The following TRAPPC11 variants were observed in gnomAD, a reference collection of about 807,000 sequenced individuals.
The protein encoded by TRAPPC11 is foie gras homolog.
TRAPPC11 carries 104 observed loss-of-function variants against 151.2 expected under a neutral mutation model. The observed-to-expected ratio is 0.69, with a 90% CI of 0.59 to 0.81. The LOEUF (loss-of-function observed/expected upper bound fraction) is 0.81. Among genes scored for constraint, TRAPPC11 ranks in the 30% least tolerant of loss-of-function variants. The pLI is 0.00. For missense variants in TRAPPC11, 1,230 were observed against 1,349.6 expected (o/e 0.91, Z 1.39); for synonymous variants, 456 against 472.3 (o/e 0.97, Z 0.45).
intron 1 of TRAPPC11, among the ~76,000 whole-genome samples, chr4:183,659,857 C>G (rs1447557868): frequency 6.6e-6 from 1 of 152,152 alleles, no homozygotes; most frequent in African/African-American, 2.4e-5. Flanking sequence ...TTCTTAGCAG[C>G]CTTGTGTCCT....
chr4:183,685,983 G>A (rs1052527833), intron 17 of TRAPPC11, among the ~76,000 whole-genome samples: 18 of 152,090 alleles, frequency 1.2e-4, no homozygotes, highest in African/African-American at 3.6e-4. Context: ...ACTTATGGGC[G>A]TGTACTACCA....
intron 18 of TRAPPC11, among the ~76,000 whole-genome samples, chr4:183,688,028 G>C (rs1579196496): frequency 6.6e-6 from 1 of 152,278 alleles, no homozygotes; most frequent in East Asian, 1.9e-4. Flanking sequence ...TCACTTAGTA[G>C]ATAATCATCT....
chr4:183,702,834 G>T (rs58319178), intron 26 of TRAPPC11, among the ~76,000 whole-genome samples: 41,706 of 151,930 alleles, frequency 0.27, 6,312 homozygotes, highest in African/African-American at 0.41. Flanking sequence ...GGAATAAAAT[G>T]TATTACTTAA....
chr4:183,672,939 C>T (rs1735223792), intron 5 of TRAPPC11, among the ~76,000 whole-genome samples: 1 of 150,908 alleles, frequency 6.6e-6, no homozygotes, highest in South Asian at 2.1e-4. Context: ...TAGTCAGTGC[C>T]TTGTTGCTAC....
intron 26 of TRAPPC11, among the ~76,000 whole-genome samples, chr4:183,702,479 A>G (rs1736849728): frequency 6.6e-6 from 1 of 152,214 alleles, no homozygotes; most frequent in African/African-American, 2.4e-5. Flanking sequence ...ATTTCAGTGA[A>G]ATGAATGAAC....
At chr4:183,712,480 A>T in intron 29 of TRAPPC11, 120 bp from the exon 30 acceptor site, 1 of 970,774 alleles carries the variant, frequency 1.0e-6, no homozygotes, top group Non-Finnish European at 1.6e-6. Context: ...TTTGATGCTT[A>T]CACTCATTTA....
At chr4:183,684,910 A>C (rs1180912741) in intron 15 of TRAPPC11, 69 bp downstream of exon 15, 38 of 1,467,328 alleles carry the variant, frequency 2.6e-5, no homozygotes, top group Non-Finnish European at 3.6e-5. Flanking sequence ...GCTTTTTAAA[A>C]TTTAAAGAAT....
At chr4:183,660,926 C>T (rs533536409) in intron 1 of TRAPPC11, among the ~76,000 whole-genome samples, 10 of 148,662 alleles carry the variant, frequency 6.7e-5, no homozygotes, top group Non-Finnish European at 1.4e-4. Flanking sequence ...ATTGGCCAGG[C>T]TGGTTTTGAA....
At chr4:183,701,587 G>A in intron 25 of TRAPPC11, 110 bp from the exon 26 acceptor site, 2 of 731,804 alleles carry the variant, frequency 2.7e-6, no homozygotes, top group East Asian at 2.6e-5. Flanking sequence ...GTCTCTACAA[G>A]TAATATATAG....
chr4:183,693,256 A>G (rs1736349860), intron 20 of TRAPPC11, 109 bp downstream of exon 20: 1 of 1,069,124 alleles, frequency 9.4e-7, no homozygotes, highest in East Asian at 2.7e-5. Flanking sequence ...CAGTGGTGTG[A>G]TCACGACTCA....
At chr4:183,676,741 A>G (rs1735430942) in intron 7 of TRAPPC11, among the ~76,000 whole-genome samples, 1 of 152,168 alleles carries the variant, frequency 6.6e-6, no homozygotes, top group South Asian at 2.1e-4. Flanking sequence ...CTGTAGAGGT[A>G]CTTGGGGTTA....
At position 183,666,810 on chromosome 4, in the gene TRAPPC11, G is replaced by A. The variant is rs4421029; in HGVS notation, c.375-250G>A. The A allele has an allele frequency of 0.46, 202,036 of 442,912 alleles. 47,666 individuals carry two copies. Among genetic ancestry groups the A allele is most frequent in the African/African-American group, 0.62 (31,419 of 50,582 alleles). 27.4% of individuals were successfully genotyped at this position (442,912 alleles called of 1,614,324 possible). A position where few individuals can be genotyped will look rare whatever the true frequency, so the allele number is the denominator to read the frequency against. Reference sequence around the variant, plus strand: ...AAGTAAGTTGCATTATAACTTTTACGTAAAAGTATACATTAATCTTTTGCT... The same window carrying A: ...AAGTAAGTTGCATTATAACTTTTACATAAAAGTATACATTAATCTTTTGCT... On this transcript the variant is annotated intron_variant, in intron 3 of 29. Coordinates refer to ENST00000334690, the MANE Select transcript of TRAPPC11 (RefSeq NM_021942.6).
chr4:183,677,132 C>G (rs919930319), intron 7 of TRAPPC11, among the ~76,000 whole-genome samples: 1 of 152,184 alleles, frequency 6.6e-6, no homozygotes, highest in African/African-American at 2.4e-5. Flanking sequence ...TGTAATGGTA[C>G]TTTAAAATAC....
chr4:183,684,886 T>C, intron 15 of TRAPPC11, 45 bp downstream of exon 15: 2 of 1,554,412 alleles, frequency 1.3e-6, no homozygotes, highest in Non-Finnish European at 1.8e-6. Flanking sequence ...CATAAAATTA[T>C]TTAGCATCTT....
At chr4:183,663,767 T>A in intron 1 of TRAPPC11, 80 bp from the exon 2 acceptor site, 1 of 673,896 alleles carries the variant, frequency 1.5e-6, no homozygotes, top group Non-Finnish European at 2.4e-6. Context: ...AGACAGAGTT[T>A]TGCTCTTGTT....
At chr4:183,688,627 A>G (rs1332404512) in intron 18 of TRAPPC11, among the ~76,000 whole-genome samples, 2 of 152,236 alleles carry the variant, frequency 1.3e-5, no homozygotes, top group African/African-American at 4.8e-5. Context: ...AATAGAAATG[A>G]TTAGATGAAG....
chr4:183,673,338 G>A (rs911564484), intron 5 of TRAPPC11, among the ~76,000 whole-genome samples: 1 of 152,056 alleles, frequency 6.6e-6, no homozygotes, highest in African/African-American at 2.4e-5. Flanking sequence ...TTCTAATTTT[G>A]TCATATTTTA....
At chr4:183,698,556 C>T (rs1460486502) in intron 25 of TRAPPC11, among the ~76,000 whole-genome samples, 3 of 152,114 alleles carry the variant, frequency 2.0e-5, no homozygotes, top group African/African-American at 7.2e-5. Context: ...TTGGATGGTT[C>T]CTTTCATCAC....
intron 18 of TRAPPC11, among the ~76,000 whole-genome samples, chr4:183,687,105 C>G (rs548734678): frequency 6.6e-6 from 1 of 151,978 alleles, no homozygotes; most frequent in African/African-American, 2.4e-5. Context: ...CACTTGAACT[C>G]GGGAGATGGA....
Sources: allele counts gnomAD v4.1 joint callset (sites outside exome capture counted in the v4.1 genomes callset), GRCh38; gene constraint gnomAD v4.1.1; transcripts MANE v1.5; gene names NCBI Gene and HGNC (gene_info 2026-07-23, HGNC 2026-07-21).